Variants in PIP5K1B observed in about 807,000 individuals in gnomAD.
PIP5K1B encodes the protein phosphatidylinositol 4-phosphate 5-kinase type-1 beta.
A neutral mutation model predicts 67.0 loss-of-function variants in PIP5K1B; 42 were observed. The observed-to-expected ratio is 0.63, with a 90% CI of 0.49 to 0.81. The LOEUF (loss-of-function observed/expected upper bound fraction) is 0.81, where lower values mean the gene tolerates loss of function less well. Ranked by LOEUF, PIP5K1B falls within the 30% of genes least tolerant of loss-of-function variation. The pLI is 0.00. For synonymous variants in PIP5K1B, 214 were observed against 231.4 expected (o/e 0.92, Z 0.68); for missense variants, 459 against 646.3 (o/e 0.71, Z 3.14).
At chr9:68,986,845 G>A (rs1173774293) in intron 14 of PIP5K1B, among the ~76,000 whole-genome samples, 5 of 152,232 alleles carry the variant, frequency 3.3e-5, no homozygotes, top group South Asian at 2.1e-4. Context: ...TACTTTCAAA[G>A]TGGGTGGGTT....
intron 4 of PIP5K1B, among the ~76,000 whole-genome samples, chr9:68,852,581 G>A (rs1415414680): frequency 6.6e-6 from 1 of 152,210 alleles, no homozygotes; most frequent in Non-Finnish European, 1.5e-5. Flanking sequence ...AGAAGCCAGA[G>A]GGAGCCCTTT....
intron 2 of PIP5K1B, among the ~76,000 whole-genome samples, chr9:68,744,371 G>A (rs774899869): frequency 2.0e-5 from 3 of 152,224 alleles, no homozygotes; most frequent in Non-Finnish European, 2.9e-5. Flanking sequence ...AATTTATTCA[G>A]TGGAAAGCAT....
At chr9:68,961,657 A>G (rs1439483364) in intron 14 of PIP5K1B, among the ~76,000 whole-genome samples, 2 of 152,100 alleles carry the variant, frequency 1.3e-5, no homozygotes, top group African/African-American at 4.8e-5. Context: ...TCCAGCCTGG[A>G]TGATAAAGGC....
chr9:68,993,413 C>G (rs1830465318), intron 15 of PIP5K1B, among the ~76,000 whole-genome samples: 1 of 152,174 alleles, frequency 6.6e-6, no homozygotes, highest in African/African-American at 2.4e-5. Context: ...ACCTCTTTTT[C>G]AGATAGGCTT....
At position 68,805,220 on chromosome 9, in the gene PIP5K1B, G is replaced by A. The variant is rs568308442; in HGVS notation, c.-85-13241G>A. Among the ~76,000 whole-genome samples, 724 of 152,310 alleles carry A rather than the reference G, an allele frequency of 4.8e-3. 2 individuals carry two copies. Among genetic ancestry groups the A allele is most frequent in the Non-Finnish European group, 7.8e-3 (528 of 68,036 alleles). On this transcript the variant is annotated intron_variant, in intron 2 of 15. Transcript: ENST00000265382. ...GAGAGGGAGCATGTGGGGCGCAGGG[G>A]GCCCTGTGTGTAGAGGCTCCTTCAC... is the stretch of plus-strand genomic sequence containing the variant.
At chr9:68,815,340 G>T (rs1295882649) in intron 2 of PIP5K1B, among the ~76,000 whole-genome samples, 1 of 151,194 alleles carries the variant, frequency 6.6e-6, no homozygotes, top group Non-Finnish European at 1.5e-5. Context: ...AAGAAAGAAG[G>T]TATTATTAAT....
chr9:68,805,007 G>T (rs186735366), intron 2 of PIP5K1B, among the ~76,000 whole-genome samples: 1 of 152,214 alleles, frequency 6.6e-6, no homozygotes, highest in South Asian at 2.1e-4. Context: ...ATGCAAGTGC[G>T]TTGGCTGAGG....
intron 6 of PIP5K1B, among the ~76,000 whole-genome samples, chr9:68,885,830 A>G (rs931510325): frequency 5.3e-5 from 8 of 152,214 alleles, no homozygotes; most frequent in Admixed American, 3.9e-4. Context: ...CCCTAAAGCT[A>G]TTGAAATAAA....
chr9:68,909,244 C>T (rs1057122489), intron 8 of PIP5K1B, among the ~76,000 whole-genome samples: 1 of 151,926 alleles, frequency 6.6e-6, no homozygotes, highest in Non-Finnish European at 1.5e-5. Context: ...TCCACATATA[C>T]TCTGTGCTCT....
In PIP5K1B at chr9:68,734,537, G is replaced by T. The variant is rs150374988; in HGVS notation, c.-242-7964G>T. Among the ~76,000 whole-genome samples the T allele has an allele frequency of 1.0e-2, 1,516 of 152,240 alleles. 12 individuals carry two copies. The highest frequency in any genetic ancestry group is 0.015 in the Non-Finnish European group (1,012 of 68,030). The stretch of plus-strand genomic sequence containing the variant: ...GAAGACTGCTGGTAGCAGGCAGATG[G>T]GTCCAGAATGTATAAAATGGACTGG... On this transcript the variant is annotated intron_variant, in intron 1 of 15. Coordinates refer to ENST00000265382, the MANE Select transcript of PIP5K1B (RefSeq NM_003558.4).
intron 2 of PIP5K1B, among the ~76,000 whole-genome samples, chr9:68,759,449 A>G (rs1030846230): frequency 2.0e-5 from 3 of 152,074 alleles, no homozygotes; most frequent in Admixed American, 2.0e-4. Flanking sequence ...AAACTAAAAC[A>G]TGTCAAGAAA....
intron 4 of PIP5K1B, among the ~76,000 whole-genome samples, chr9:68,858,395 ATCT>A (rs1269715753): frequency 2.0e-5 from 3 of 152,182 alleles, no homozygotes; most frequent in African/African-American, 7.2e-5. Flanking sequence ...GGGAAAATAG[ATCT>A]TCTCAGAAAC....
At chr9:68,817,712 C>CTTTTTT (rs1156788129) in intron 2 of PIP5K1B, among the ~76,000 whole-genome samples, 2 of 93,636 alleles carry the variant, frequency 2.1e-5, no homozygotes, top group Non-Finnish European at 4.2e-5. Context: ...AGACCTCATT[C>CTTTTTT]TTTTTTTTTT....
At chr9:68,912,206 G>A (rs1197853348) in intron 8 of PIP5K1B, among the ~76,000 whole-genome samples, 3 of 152,064 alleles carry the variant, frequency 2.0e-5, no homozygotes, top group Non-Finnish European at 4.4e-5. Context: ...TGTGTAATTC[G>A]GGCTTGTTTA....
intron 14 of PIP5K1B, among the ~76,000 whole-genome samples, chr9:68,976,795 C>A (rs1331373834): frequency 1.3e-5 from 2 of 152,210 alleles, no homozygotes; most frequent in Non-Finnish European, 2.9e-5. Context: ...CCACTGATTA[C>A]TGCCTAAGGC....
At chr9:68,929,528 G>A (rs1462063268) in intron 12 of PIP5K1B, among the ~76,000 whole-genome samples, 1 of 152,092 alleles carries the variant, frequency 6.6e-6, no homozygotes, top group African/African-American at 2.4e-5. Context: ...TGTACTTGCT[G>A]TCTCACTTTT....
chr9:68,940,537 G>T lies in PIP5K1B; in HGVS notation c.1358-109G>T, dbSNP rs1827504424. 9.9e-6 allele frequency: 10 copies of T among 1,006,708 alleles called. No individual in the cohort carries two copies. In the South Asian group the frequency reaches 1.4e-4, roughly 14 times the overall value. The allele number at this position is 1,006,708 out of a possible 1,614,324, so 62.4% of individuals were successfully genotyped here. ...GTGCAGTTAATTCATAATTGAATTT[G>T]CAGCCTGATAGGTAAAATGAATGCT... On this transcript the variant is annotated intron_variant, in intron 13 of 15. Transcript: ENST00000265382.
chr9:68,915,235 C>A (rs183658009), intron 8 of PIP5K1B, among the ~76,000 whole-genome samples: 2 of 152,118 alleles, frequency 1.3e-5, no homozygotes, highest in East Asian at 3.9e-4. Flanking sequence ...CCAAGTCTCT[C>A]CGAGAAAGGA....
chr9:68,736,451 G>A (rs1352684587), intron 1 of PIP5K1B, among the ~76,000 whole-genome samples: 2 of 152,144 alleles, frequency 1.3e-5, no homozygotes, highest in Non-Finnish European at 2.9e-5. Context: ...AATAGTTTGT[G>A]TATTAGTCTC....
Sources: gnomAD v4.1 joint callset for allele counts (sites outside exome capture counted in the v4.1 genomes callset) on GRCh38, gnomAD v4.1.1 for gene constraint, MANE v1.5 for transcripts, NCBI Gene and HGNC (gene_info 2026-07-23, HGNC 2026-07-21) for gene names.